Variants in ACTR10 observed in about 807,000 individuals in gnomAD.
The protein encoded by ACTR10 is actin related protein 10.
In ACTR10, 43 loss-of-function variants were observed where a neutral mutation model predicts 56.2. The ratio of observed to expected loss-of-function variants is 0.77; its 90% CI spans 0.60 to 0.99. ACTR10 has a LOEUF of 0.99. ACTR10 is among the 50% of genes least tolerant of loss of function. ACTR10 has a pLI of 0.00. For synonymous variants in ACTR10, 170 were observed against 176.3 expected, an observed-to-expected ratio of 0.96 and a Z score of 0.28; for missense variants, 466 against 507.8, an observed-to-expected ratio of 0.92 and a Z score of 0.79.
At position 58,204,914 on chromosome 14, in the gene ACTR10, A is replaced by G. The variant is rs563544575; in HGVS notation, c.150+1987A>G. On this transcript the variant is annotated intron_variant, in intron 2 of 12. Coordinates refer to ENST00000254286, the MANE Select transcript of ACTR10 (RefSeq NM_018477.3). ...TTATTTCCTTTTTTAGCAATCGCAT[A>G]TAAGCATATTTGGTTTTATAAAAAC... 2.8e-3 allele frequency among the ~76,000 whole-genome samples: 432 copies of G among 152,294 alleles called. 1 individual carries two copies. Among genetic ancestry groups the G allele is most frequent in the Non-Finnish European group, 4.9e-3 (330 of 68,032 alleles).
intron 1 of ACTR10, among the ~76,000 whole-genome samples, chr14:58,202,037 A>G (rs1888720503): frequency 6.6e-6 from 1 of 151,608 alleles, no homozygotes; most frequent in Admixed American, 6.6e-5. Context: ...AGCAATGAAG[A>G]TTATGTTAAT....
At position 58,232,171 on chromosome 14, in the gene ACTR10, T is replaced by C. The variant is rs944416977; in HGVS notation, c.976T>C (p.Leu326=). The C allele has an allele frequency of 6.2e-7, 1 of 1,613,726 alleles. No homozygotes were observed. Among genetic ancestry groups the C allele is most frequent in the Non-Finnish European group, 8.5e-7 (1 of 1,179,938 alleles). Residue 326 remains leucine, a synonymous_variant, in exon 12 of 13, where the codon TTG becomes CTG. Transcript: ENST00000254286. ...CAGATTGCTTGCAGAAATAAGGTAT[T>C]TGGTAGAAAAACCAAAATATAAAAA... ...LHRLLAEIRY[L]VEKPKYKKAL... is the part of the protein sequence containing the mutation.
At chr14:58,227,657 C>T (rs939411903) in intron 10 of ACTR10, among the ~76,000 whole-genome samples, 2 of 152,182 alleles carry the variant, frequency 1.3e-5, no homozygotes, top group Non-Finnish European at 2.9e-5. Flanking sequence ...AGGGCCTGAC[C>T]AGCTATGCCC....
chr14:58,213,839 T>C (rs1348792187), intron 6 of ACTR10, 141 bp downstream of exon 6: 4 of 593,036 alleles, frequency 6.7e-6, no homozygotes, highest in Non-Finnish European at 8.4e-6. Flanking sequence ...TAGCTTCGAG[T>C]ATATTCATTT....
At chr14:58,211,116 A>C in intron 4 of ACTR10, 176 bp from the exon 5 acceptor site, 1 of 497,384 alleles carries the variant, frequency 2.0e-6, no homozygotes, top group Non-Finnish European at 3.6e-6. Context: ...GAGTGAATTT[A>C]TATAAATCAA....
At chr14:58,203,430 T>C (rs1052719327) in intron 2 of ACTR10, among the ~76,000 whole-genome samples, 158 of 152,208 alleles carry the variant, frequency 1.0e-3, no homozygotes, top group African/African-American at 3.7e-3. Flanking sequence ...CATAAGTATA[T>C]CATGTTGTAC....
In ACTR10 at chr14:58,209,118, T is replaced by A. The variant is rs758308190; in HGVS notation, c.342+11T>A. ...TTCAAATATTTTGAGGTACCTGTCT[T>A]TATATCAAATAAGTAAATTGCTTTT... On this transcript the variant is annotated intron_variant, in intron 4 of 12. Coordinates refer to ENST00000254286, the MANE Select transcript of ACTR10 (RefSeq NM_018477.3). 6.7e-7 allele frequency: 1 copy of A among 1,484,618 alleles called. No individual in the cohort carries two copies. Among genetic ancestry groups the A allele is most frequent in the South Asian group, 1.2e-5 (1 of 80,546 alleles). 92.0% of individuals were successfully genotyped at this position (1,484,618 alleles called of 1,614,324 possible).
chr14:58,231,018 A>G lies in ACTR10; in HGVS notation c.870+538A>G, dbSNP rs367720515. On this transcript the variant is annotated intron_variant, in intron 11 of 12. Transcript: ENST00000254286. ...GTGATCCGCCCGCCTCGGCCTCCCA[A>G]AGTGCTGGGATTACAAGCGTGAGCC... The G allele has an allele frequency of 4.9e-5, 14 of 283,930 alleles. No individual in the cohort carries two copies. The East Asian group carries it at 5.2e-4, about 11-fold the overall frequency. 17.6% of individuals were successfully genotyped at this position (283,930 alleles called of 1,614,324 possible).
chr14:58,206,954 G>C (rs1888879836), intron 2 of ACTR10: 1 of 151,986 alleles, frequency 6.6e-6, no homozygotes, highest in Non-Finnish European at 1.5e-5. Context: ...AGTGTTTTTG[G>C]ACTAACAGGG....
intron 6 of ACTR10, among the ~76,000 whole-genome samples, chr14:58,213,989 C>T (rs923798528): frequency 3.3e-5 from 5 of 152,096 alleles, no homozygotes; most frequent in Non-Finnish European, 1.5e-5. Context: ...GTATCCATCT[C>T]GTCAAGCATT....
chr14:58,202,583 CAAA>C (rs1390925699), intron 1 of ACTR10, among the ~76,000 whole-genome samples: 1 of 138,570 alleles, frequency 7.2e-6, no homozygotes. Flanking sequence ...GACTCCATCT[CAAA>C]AAAAAAAAAG....
chr14:58,206,648 A>C (rs1335544655), intron 2 of ACTR10, among the ~76,000 whole-genome samples: 1 of 152,230 alleles, frequency 6.6e-6, no homozygotes, highest in Non-Finnish European at 1.5e-5. Flanking sequence ...GCATCAGAGT[A>C]CTGAGAGCTT....
intron 10 of ACTR10, among the ~76,000 whole-genome samples, chr14:58,226,215 A>G (rs553408653): frequency 4.0e-4 from 61 of 152,242 alleles, no homozygotes; most frequent in Admixed American, 3.9e-3. Flanking sequence ...ACGGTGATCT[A>G]TGATTGTACC....
At chr14:58,222,181 G>A (rs1380696463) in intron 8 of ACTR10, among the ~76,000 whole-genome samples, 1 of 151,736 alleles carries the variant, frequency 6.6e-6, no homozygotes, top group African/African-American at 2.4e-5. Context: ...ATAATATATG[G>A]CTAACATGCT....
rs1889636382 is a variant in ACTR10 at position 58,234,742 on chromosome 14, G to T, written c.*191G>T. 4.5e-6 allele frequency: 2 copies of T among 446,246 alleles called. No individual in the cohort carries two copies. Among genetic ancestry groups the T allele is most frequent in the Non-Finnish European group, 7.6e-6 (2 of 264,090 alleles). 27.6% of individuals were successfully genotyped at this position (446,246 alleles called of 1,614,324 possible). A position where few individuals can be genotyped will look rare whatever the true frequency, so the allele number is the denominator to read the frequency against. On this transcript the variant is annotated 3_prime_UTR_variant, in exon 13 of 13. Transcript: ENST00000254286. ...TTGTGTAGTGGTAAAATGGTAGCTG[G>T]TGCTTATTGAGATTTGCTGTATTTA...
chr14:58,205,313 TC>T (rs1477719211), intron 2 of ACTR10, among the ~76,000 whole-genome samples: 1 of 141,882 alleles, frequency 7.0e-6, no homozygotes, highest in Non-Finnish European at 1.5e-5. Context: ...ACATCAGAAA[TC>T]TTTTTTTTTT....
chr14:58,230,594 C>A, intron 11 of ACTR10, 114 bp downstream of exon 11: 1 of 447,644 alleles, frequency 2.2e-6, no homozygotes, highest in Non-Finnish European at 3.9e-6. Flanking sequence ...TAATATGTGT[C>A]AACAACTAAT....
chr14:58,231,079 G>C (rs1889521392), intron 11 of ACTR10: 2 of 352,068 alleles, frequency 5.7e-6, no homozygotes, highest in Admixed American at 2.9e-5. Context: ...TTTTTTGACA[G>C]TGTTGCTCTT....
chr14:58,213,728 T>C (rs1594807254), intron 6 of ACTR10, 30 bp downstream of exon 6: 1 of 1,558,924 alleles, frequency 6.4e-7, no homozygotes, highest in African/African-American at 1.4e-5. Context: ...ACATATTCAT[T>C]TCACCTGTGC....
Sources: allele counts gnomAD v4.1 joint callset (sites outside exome capture counted in the v4.1 genomes callset), GRCh38; gene constraint gnomAD v4.1.1; transcripts MANE v1.5; gene names NCBI Gene and HGNC (gene_info 2026-07-23, HGNC 2026-07-21).